The following SPEN variants were observed in gnomAD, a reference collection of about 807,000 sequenced individuals.
SPEN encodes msx2-interacting protein.
SPEN carries 18 observed loss-of-function variants against 269.9 expected under a neutral mutation model. The ratio of observed to expected loss-of-function variants is 0.07; its 90% confidence interval spans 0.05 to 0.10. The LOEUF (loss-of-function observed/expected upper bound fraction) is 0.10. Among genes scored for constraint, SPEN ranks in the 10% least tolerant of loss-of-function variants. SPEN has a pLI of 1.00. For synonymous variants in SPEN, 1,726 were observed against 1,765.7 expected, an observed-to-expected ratio of 0.98 and a Z score of 0.56; for missense variants, 3,822 against 4,631.2, an observed-to-expected ratio of 0.83 and a Z score of 5.07.
chr1:15,883,807 C>CTTTT (rs36018800), intron 3 of SPEN, among the ~76,000 whole-genome samples: 2 of 69,550 alleles, frequency 2.9e-5, no homozygotes, highest in African/African-American at 9.6e-5. Context: ...ATTTAAGATT[C>CTTTT]TTTTTTTTTT....
chr1:15,859,865 C>G (rs556709210), intron 1 of SPEN, among the ~76,000 whole-genome samples: 1 of 144,490 alleles, frequency 6.9e-6, no homozygotes, highest in East Asian at 2.1e-4. Flanking sequence ...ACTGGAGAGG[C>G]TCAGGTATTT....
At chr1:15,880,012 A>C (rs1171773938) in intron 3 of SPEN, among the ~76,000 whole-genome samples, 1 of 152,172 alleles carries the variant, frequency 6.6e-6, no homozygotes, top group Non-Finnish European at 1.5e-5. Flanking sequence ...TTTTAAATTT[A>C]AATTATTGCC....
At chr1:15,916,318 G>A in intron 6 of SPEN, 39 bp downstream of exon 6, 2 of 1,590,618 alleles carry the variant, frequency 1.3e-6, no homozygotes, top group African/African-American at 2.7e-5. Flanking sequence ...TTAGGTCTTT[G>A]TCATAACACA....
chr1:15,928,108 C>T lies in SPEN; in HGVS notation c.1868C>T (p.Ser623Phe), dbSNP rs148648825. The change falls in exon 11 of 15, where the codon TCC becomes TTC. Residue 623 changes from serine to phenylalanine, a missense_variant. Physicochemically the swap from Ser to Phe is radical, Grantham distance 155 (BLOSUM62 -2). Transcript: ENST00000375759. This position sits in a 1 kb window ranked among gnomAD's most constrained non-coding sequence, Gnocchi z 5.7. ...LAERREERRA[S>F]YDYNQDRTYY... is the part of the protein sequence containing the mutation. The stretch of plus-strand genomic sequence containing the variant: ...TTTGGCAGAGAGGAACGAAGGGCAT[C>T]CTACGACTATAACCAAGATCGTACA... The T allele has an allele frequency of 2.6e-5, 42 of 1,607,552 alleles. 1 individual carries two copies. The highest frequency in any genetic ancestry group is 3.2e-5 in the Non-Finnish European group (38 of 1,175,430).
intron 11 of SPEN, among the ~76,000 whole-genome samples, chr1:15,936,522 A>C (rs1431388779): frequency 2.6e-5 from 4 of 151,600 alleles, no homozygotes; most frequent in Non-Finnish European, 1.5e-5. Flanking sequence ...GGTGGCACAC[A>C]CCTGTGGTTT....
chr1:15,872,730 T>A, intron 1 of SPEN, 86 bp from the exon 2 acceptor site: 1 of 1,104,334 alleles, frequency 9.1e-7, no homozygotes, highest in Non-Finnish European at 1.3e-6. Context: ...CCTACATACA[T>A]AACGCAAATT....
chr1:15,915,986 GT>G, intron 5 of SPEN, 141 bp from the exon 6 acceptor site: 1 of 939,988 alleles, frequency 1.1e-6, no homozygotes, highest in Non-Finnish European at 1.5e-6. Context: ...TTCTGAAGGT[GT>G]TTATGATATT....
intron 3 of SPEN, among the ~76,000 whole-genome samples, chr1:15,886,493 C>A (rs535024989): frequency 6.6e-6 from 1 of 152,262 alleles, no homozygotes; most frequent in South Asian, 2.1e-4. Context: ...CGCAGGGACC[C>A]GGCTGCTGCG....
At chr1:15,851,961 G>T (rs562933791) in intron 1 of SPEN, among the ~76,000 whole-genome samples, 27 of 152,156 alleles carry the variant, frequency 1.8e-4, no homozygotes, top group Non-Finnish European at 4.0e-4. Flanking sequence ...CTAGCCTGGG[G>T]GACAGAGCAA....
chr1:15,867,712 CTT>C (rs796378051), intron 1 of SPEN, among the ~76,000 whole-genome samples: 58 of 137,848 alleles, frequency 4.2e-4, no homozygotes, highest in Non-Finnish European at 3.8e-4. Context: ...TTGTCATTGC[CTT>C]TTTTTTTTTT....
rs1557762006 is a variant in SPEN, at chr1:15,934,453, C to T, written c.8213C>T (p.Ala2738Val). ...AGTGCAGTGAATGCCACAGCAAGTG[C>T]AGTGACCGTCACAGCGGGTGCGGTT... The part of the protein sequence containing the change: ...AASAVNATAS[A>V]VTVTAGAVTA... Residue 2738 changes from alanine to valine, a missense_variant, in exon 11 of 15, where the codon GCA (alanine) becomes GTA (valine). Physicochemically the swap from Ala to Val is moderately conservative, Grantham distance 64. Transcript: ENST00000375759. This position sits in a 1 kb window ranked among gnomAD's most constrained non-coding sequence, Gnocchi z 9.2. 6.2e-7 allele frequency: 1 copy of T among 1,613,922 alleles called. No homozygotes were observed.
intron 1 of SPEN, among the ~76,000 whole-genome samples, chr1:15,870,717 C>G (rs1450753859): frequency 8.8e-5 from 13 of 148,128 alleles, no homozygotes; most frequent in Non-Finnish European, 1.3e-4. Context: ...TATTGATAGC[C>G]TAGCCAATAA....
intron 3 of SPEN, among the ~76,000 whole-genome samples, chr1:15,901,649 CA>C (rs113563212): frequency 0.061 from 3,212 of 52,810 alleles, 104 homozygotes; most frequent in African/African-American, 0.17. Flanking sequence ...GACTCCATCT[CA>C]AAAAAAAAAA....
intron 3 of SPEN, among the ~76,000 whole-genome samples, chr1:15,901,599 G>A (rs926348124): frequency 7.0e-5 from 10 of 142,836 alleles, no homozygotes; most frequent in African/African-American, 2.1e-4. Context: ...GCAGTGAGCC[G>A]AGATCACGCC....
chr1:15,895,001 C>G (rs967407228), intron 3 of SPEN, among the ~76,000 whole-genome samples: 1 of 152,180 alleles, frequency 6.6e-6, no homozygotes, highest in Admixed American at 6.6e-5. Context: ...TGGCTCACCG[C>G]AAACTCTGCC....
Position 15,905,228 on chromosome 1 carries a change from A to AT in SPEN, c.882-4090dup, listed in dbSNP as rs933579740. Among the ~76,000 whole-genome samples, 342 of 141,436 alleles carry AT rather than the reference A, an allele frequency of 2.4e-3. 1 individual carries two copies. Among genetic ancestry groups the AT allele is most frequent in the African/African-American group, 8.6e-3 (328 of 37,966 alleles). The allele number at this position is 141,436 out of a possible 152,430, so 92.8% of individuals were successfully genotyped here. A position where few individuals can be genotyped will look rare whatever the true frequency, so the allele number is the denominator to read the frequency against. On this transcript the variant is annotated intron_variant, in intron 3 of 14. Coordinates refer to ENST00000375759, the MANE Select transcript of SPEN (RefSeq NM_015001.3). ...TTTATTTTTATTTTTATTTTATTTT[A>AT]TTTATTTTTCAAGATGGAGTTTTGC...
chr1:15,906,378 A>G (rs776489614), intron 3 of SPEN, among the ~76,000 whole-genome samples: 9 of 141,912 alleles, frequency 6.3e-5, no homozygotes, highest in Non-Finnish European at 9.1e-5. Flanking sequence ...ACAGAGGTTT[A>G]TTTTCCTACA....
Position 15,937,621 on chromosome 1 carries a change from C to T in SPEN, c.10485C>T (p.Pro3495=), listed in dbSNP as rs57175033. 2,486 of 1,613,604 alleles carry T rather than the reference C, an allele frequency of 1.5e-3. 35 individuals carry two copies. The African/African-American group carries it at 0.029, about 19-fold the overall frequency. ...DSSPHLTSQR[P]VDMVQLLKKY... ...CTCCACACCTGACTTCCCAGAGACC[C>T]GTGGATATGGTTCAACTTCTGAAGG... Residue 3495 remains proline (P), a synonymous_variant, in exon 12 of 15, where the codon CCC becomes CCT. Transcript: ENST00000375759. This position sits in a 1 kb window ranked among gnomAD's most constrained non-coding sequence, Gnocchi z 5.7.
At position 15,935,456 on chromosome 1, in the gene SPEN, C is replaced by T; in HGVS notation, c.9216C>T (p.His3072=). 5 of 1,614,156 alleles carry T rather than the reference C, an allele frequency of 3.1e-6. No homozygotes were observed. The highest frequency in any genetic ancestry group is 4.2e-6 in the Non-Finnish European group (5 of 1,180,014). ...IPVPQFISSI[H]PEQSVIMPPH... ...TGCCCCAGTTCATCTCCAGCATCCA[C>T]CCAGAGCAGTCTGTCATCATGCCAC... Residue 3072 remains histidine, a synonymous_variant, in exon 11 of 15, where the codon CAC becomes CAT. Transcript: ENST00000375759. This position sits in a 1 kb window ranked among gnomAD's most constrained non-coding sequence, Gnocchi z 7.7.
Sources: gnomAD v4.1 joint callset for allele counts (sites outside exome capture counted in the v4.1 genomes callset) on GRCh38, gnomAD v4.1.1 for gene constraint, Gnocchi (gnomAD v3.1) non-coding constraint, MANE v1.5 for transcripts, NCBI Gene and HGNC (gene_info 2026-07-23, HGNC 2026-07-21) for gene names.